Variants in CCSER1 observed in about 807,000 individuals in gnomAD.
The protein encoded by CCSER1 is serine-rich coiled-coil domain-containing protein 1.
A neutral mutation model predicts 82.0 loss-of-function variants in CCSER1; 41 were observed. That is an observed-to-expected ratio of 0.50 (90% confidence interval 0.39 to 0.65). CCSER1 has a LOEUF of 0.65. Among genes scored for constraint, CCSER1 ranks in the 30% least tolerant of loss-of-function variants. The pLI is 0.00. For synonymous variants in CCSER1, 414 were observed against 383.9 expected, an observed-to-expected ratio of 1.08 and a Z score of -0.92; for missense variants, 1,119 against 1,064.2, an observed-to-expected ratio of 1.05 and a Z score of -0.72.
chr4:91,434,009 C>T (rs77326303), intron 10 of CCSER1, among the ~76,000 whole-genome samples: 1,887 of 152,198 alleles, frequency 0.012, 32 homozygotes, highest in Middle Eastern at 0.041. Flanking sequence ...GCATTGAGAC[C>T]GCTTGAGGAA....
intron 10 of CCSER1, among the ~76,000 whole-genome samples, chr4:91,378,239 T>C (rs1315191613): frequency 6.6e-6 from 1 of 152,192 alleles, no homozygotes; most frequent in East Asian, 1.9e-4. Context: ...GCAGGCTCTT[T>C]TGTGGTTCCA....
chr4:91,260,784 G>T (rs1741056540), intron 10 of CCSER1, among the ~76,000 whole-genome samples: 1 of 151,222 alleles, frequency 6.6e-6, no homozygotes, highest in Non-Finnish European at 1.5e-5. Context: ...TTTTTGAGAG[G>T]GAGTCTCACT....
chr4:90,920,259 TA>T (rs1728183184), intron 8 of CCSER1, among the ~76,000 whole-genome samples: 4 of 46,472 alleles, frequency 8.6e-5, no homozygotes, highest in Admixed American at 5.8e-4. Context: ...AGGATGTATT[TA>T]AATAAGTTCC....
chr4:91,399,848 C>CT (rs1177303210), intron 10 of CCSER1, among the ~76,000 whole-genome samples: 2 of 151,932 alleles, frequency 1.3e-5, no homozygotes, highest in African/African-American at 4.8e-5. Flanking sequence ...ACAATCCTTT[C>CT]TTTTTTAGTG....
intron 10 of CCSER1, among the ~76,000 whole-genome samples, chr4:91,453,702 T>A (rs1755988180): frequency 6.6e-6 from 1 of 152,114 alleles, no homozygotes; most frequent in Non-Finnish European, 1.5e-5. Context: ...TGGCAGGTGT[T>A]CTATATCTTA....
rs375655611 is a variant in CCSER1, at chr4:91,454,071, C to T, written c.2218-144501C>T. 4.6e-5 allele frequency among the ~76,000 whole-genome samples: 7 copies of T among 152,054 alleles called. No individual in the cohort carries two copies. The East Asian group carries it at 5.8e-4, about 13-fold the overall frequency. ...CAGAACTTTCATATACATGGTTTAACGTTCAGAGGTAATCAAGAACATGGA... is the reference window on the plus strand; with the variant it reads ...CAGAACTTTCATATACATGGTTTAATGTTCAGAGGTAATCAAGAACATGGA... On this transcript the variant is annotated intron_variant, in intron 10 of 10. Transcript: ENST00000509176.
At chr4:90,308,213 G>C in intron 1 of CCSER1, 31 bp from the exon 2 acceptor site, 2 of 1,410,752 alleles carry the variant, frequency 1.4e-6, no homozygotes, top group Non-Finnish European at 9.4e-7. Context: ...GAATTCTATT[G>C]ACTTGTTGTT....
At chr4:91,455,802 G>A (rs1364885561) in intron 10 of CCSER1, among the ~76,000 whole-genome samples, 2 of 152,042 alleles carry the variant, frequency 1.3e-5, no homozygotes, top group African/African-American at 4.8e-5. Flanking sequence ...ACAGGAATTT[G>A]ATGAGAGTAA....
At chr4:90,838,099 A>G (rs971259620) in intron 8 of CCSER1, among the ~76,000 whole-genome samples, 1 of 152,084 alleles carries the variant, frequency 6.6e-6, no homozygotes, top group Non-Finnish European at 1.5e-5. Flanking sequence ...TTTTTAGTCT[A>G]TCAAAATTTA....
chr4:90,438,774 TTCTATCTATCTA>T (rs10617236), intron 4 of CCSER1, among the ~76,000 whole-genome samples: 2 of 150,228 alleles, frequency 1.3e-5, no homozygotes, highest in African/African-American at 2.5e-5. Flanking sequence ...TTTTGATATC[TTCTATCTATCTA>T]TCTATCTATC....
At chr4:91,390,812 A>T (rs1447754828) in intron 10 of CCSER1, among the ~76,000 whole-genome samples, 1 of 151,928 alleles carries the variant, frequency 6.6e-6, no homozygotes, top group East Asian at 1.9e-4. Flanking sequence ...GTTTTGGCGG[A>T]TTATGTTCTC....
intron 10 of CCSER1, among the ~76,000 whole-genome samples, chr4:91,150,503 C>T (rs554687203): frequency 2.4e-4 from 37 of 152,304 alleles, no homozygotes; most frequent in African/African-American, 8.2e-4. Flanking sequence ...CTGGCTAGAA[C>T]ATCCAACACT....
chr4:90,599,145 G>A (rs1251228474), intron 5 of CCSER1, among the ~76,000 whole-genome samples: 1 of 152,058 alleles, frequency 6.6e-6, no homozygotes, highest in Non-Finnish European at 1.5e-5. Context: ...TCCTCCAGTA[G>A]CAAAAATTGC....
chr4:90,865,286 T>C (rs1032929890), intron 8 of CCSER1, among the ~76,000 whole-genome samples: 1 of 151,982 alleles, frequency 6.6e-6, no homozygotes, highest in Non-Finnish European at 1.5e-5. Flanking sequence ...TGAATAAGGA[T>C]CAAGAATGAG....
At chr4:90,531,180 A>G (rs1246700090) in intron 5 of CCSER1, among the ~76,000 whole-genome samples, 1 of 151,760 alleles carries the variant, frequency 6.6e-6, no homozygotes, top group African/African-American at 2.4e-5. Flanking sequence ...TTAACCCCCC[A>G]AGGAGCCACA....
At chr4:91,243,437 G>T (rs1451129454) in intron 10 of CCSER1, among the ~76,000 whole-genome samples, 2 of 152,190 alleles carry the variant, frequency 1.3e-5, no homozygotes, top group Non-Finnish European at 1.5e-5. Flanking sequence ...TGCTGGCACA[G>T]CTAAGGGAGT....
At chr4:90,751,457 GTAACA>G (rs1748648858) in intron 7 of CCSER1, among the ~76,000 whole-genome samples, 1 of 152,024 alleles carries the variant, frequency 6.6e-6, no homozygotes, top group South Asian at 2.1e-4. Context: ...CTAACACTGT[GTAACA>G]TATGGTGTTT....
intron 5 of CCSER1, among the ~76,000 whole-genome samples, chr4:90,597,810 C>T (rs1783523666): frequency 6.6e-6 from 1 of 152,036 alleles, no homozygotes; most frequent in African/African-American, 2.4e-5. Context: ...CCCTGCCCCA[C>T]CTGCCATGGT....
At chr4:90,793,060 G>A (rs890560113) in intron 7 of CCSER1, among the ~76,000 whole-genome samples, 15 of 152,130 alleles carry the variant, frequency 9.9e-5, no homozygotes, top group East Asian at 7.7e-4. Flanking sequence ...AACAAAAACT[G>A]TGTTACACAC....
Sources: gnomAD v4.1 joint callset for allele counts (sites outside exome capture counted in the v4.1 genomes callset) on GRCh38, gnomAD v4.1.1 for gene constraint, MANE v1.5 for transcripts, NCBI Gene and HGNC (gene_info 2026-07-23, HGNC 2026-07-21) for gene names.